PTPRK: variants seen among roughly 807,000 people sequenced by gnomAD.
PTPRK encodes receptor-type tyrosine-protein phosphatase kappa.
Under a neutral mutation model 178.0 loss-of-function variants are expected in PTPRK, and 75 were observed. That is an observed-to-expected ratio of 0.42 (90% confidence interval 0.35 to 0.51). The LOEUF is 0.51. Ranked by LOEUF, PTPRK falls within the 20% of genes least tolerant of loss-of-function variation. The pLI, the probability that PTPRK is intolerant of heterozygous loss-of-function variation, is 0.02. For synonymous variants in PTPRK, 637 were observed against 620.6 expected (o/e 1.03, Z -0.39); for missense variants, 1,441 against 1,797.8 (o/e 0.80, Z 3.59).
intron 13 of PTPRK, among the ~76,000 whole-genome samples, chr6:128,051,500 C>T (rs966901030): frequency 1.3e-5 from 2 of 152,190 alleles, no homozygotes; most frequent in Non-Finnish European, 2.9e-5. Context: ...TCTTCTCATC[C>T]TATTTTATTT....
chr6:128,026,020 A>G (rs986872802), intron 13 of PTPRK, among the ~76,000 whole-genome samples: 4 of 152,152 alleles, frequency 2.6e-5, no homozygotes, highest in Admixed American at 6.5e-5. Flanking sequence ...TAAAATCTAT[A>G]TGCTTTCCAA....
chr6:128,087,311 A>G (rs1455698486), intron 8 of PTPRK, among the ~76,000 whole-genome samples: 1 of 152,142 alleles, frequency 6.6e-6, no homozygotes, highest in Non-Finnish European at 1.5e-5. Context: ...ACCATTACCA[A>G]TTAGGACATG....
At chr6:128,432,745 A>AACAC (rs4053237) in intron 1 of PTPRK, among the ~76,000 whole-genome samples, 13,108 of 146,280 alleles carry the variant, frequency 0.09, 1,352 homozygotes, top group East Asian at 0.32. Flanking sequence ...TGTGTTCACA[A>AACAC]ACACACACAC....
At chr6:128,419,461 A>T (rs2128385725) in intron 1 of PTPRK, among the ~76,000 whole-genome samples, 1 of 152,142 alleles carries the variant, frequency 6.6e-6, no homozygotes, top group East Asian at 1.9e-4. Flanking sequence ...AAATACAAAA[A>T]AAAATTAGCC....
chr6:128,285,253 G>A (rs997016620), intron 3 of PTPRK, among the ~76,000 whole-genome samples: 5 of 152,220 alleles, frequency 3.3e-5, no homozygotes, highest in Admixed American at 6.5e-5. Flanking sequence ...GGTGGCTTGC[G>A]CCTGTAATTC....
intron 6 of PTPRK, among the ~76,000 whole-genome samples, chr6:128,204,008 T>C (rs1383157713): frequency 5.3e-5 from 8 of 152,210 alleles, no homozygotes; most frequent in Admixed American, 5.2e-4. Flanking sequence ...GGCATCATAC[T>C]ACCCAACTTC....
chr6:128,476,899 A>AC (rs2128421455), intron 1 of PTPRK, among the ~76,000 whole-genome samples: 1 of 151,930 alleles, frequency 6.6e-6, no homozygotes, highest in Non-Finnish European at 1.5e-5. Context: ...AAAAAAAAAA[A>AC]TCAATCTTGA....
chr6:128,375,616 C>G (rs901021666), intron 2 of PTPRK, among the ~76,000 whole-genome samples: 1 of 152,178 alleles, frequency 6.6e-6, no homozygotes, highest in African/African-American at 2.4e-5. Flanking sequence ...CTTCATATTC[C>G]AAGCCAACCA....
intron 15 of PTPRK, chr6:128,003,096 T>C (rs717851): frequency 0.58 from 692,384 of 1,188,774 alleles, 203,333 homozygotes; most frequent in Non-Finnish European, 0.6. Context: ...ATTTTCAAAA[T>C]CAAGCTGCCT....
At chr6:128,393,998 C>T (rs1281328894) in intron 2 of PTPRK, among the ~76,000 whole-genome samples, 2 of 152,088 alleles carry the variant, frequency 1.3e-5, no homozygotes, top group Admixed American at 6.6e-5. Flanking sequence ...CTTCATGCCA[C>T]CTGACAAGCA....
chr6:128,224,570 A>T (rs1207851981), intron 5 of PTPRK, among the ~76,000 whole-genome samples: 1 of 152,180 alleles, frequency 6.6e-6, no homozygotes, highest in African/African-American at 2.4e-5. Context: ...ATCACTTTAG[A>T]TATATTGTAT....
intron 20 of PTPRK, 118 bp from the exon 21 acceptor site, chr6:127,991,003 A>G (rs576254160): frequency 1.5e-6 from 1 of 680,340 alleles, no homozygotes; most frequent in East Asian, 2.6e-5. Context: ...AAATCTATAA[A>G]TGAGAAAAAA....
chr6:127,991,190 AT>A (rs1224826496), intron 20 of PTPRK, 103 bp downstream of exon 20: 19 of 873,360 alleles, frequency 2.2e-5, no homozygotes, highest in Admixed American at 6.2e-5. Flanking sequence ...TGTGCCTATA[AT>A]TTTTTTTAAA....
At chr6:128,460,461 G>A (rs140082755) in intron 1 of PTPRK, among the ~76,000 whole-genome samples, 3,381 of 152,134 alleles carry the variant, frequency 0.022, 121 homozygotes, top group African/African-American at 0.078. Context: ...AGGATCACTT[G>A]AGCCCAGGAG....
At chr6:128,447,312 G>A (rs1397811150) in intron 1 of PTPRK, among the ~76,000 whole-genome samples, 1 of 152,176 alleles carries the variant, frequency 6.6e-6, no homozygotes, top group East Asian at 1.9e-4. Flanking sequence ...AGTACTTTAA[G>A]AGAAAATAAT....
intron 2 of PTPRK, among the ~76,000 whole-genome samples, chr6:128,350,112 G>C (rs934878215): frequency 6.6e-6 from 1 of 152,064 alleles, no homozygotes; most frequent in Non-Finnish European, 1.5e-5. Flanking sequence ...TCACTTGATG[G>C]GGATGGCAGA....
intron 1 of PTPRK, among the ~76,000 whole-genome samples, chr6:128,434,574 G>C (rs1015140854): frequency 6.6e-6 from 1 of 152,122 alleles, no homozygotes; most frequent in Non-Finnish European, 1.5e-5. Context: ...TACTGCTGAA[G>C]TGTTAAATGA....
At chr6:128,251,675 T>C (rs892521179) in intron 3 of PTPRK, among the ~76,000 whole-genome samples, 1 of 152,156 alleles carries the variant, frequency 6.6e-6, no homozygotes, top group Non-Finnish European at 1.5e-5. Flanking sequence ...CTTTCATATA[T>C]CTACGCACAC....
At chr6:128,355,133 C>T (rs922053386) in intron 2 of PTPRK, among the ~76,000 whole-genome samples, 11 of 152,172 alleles carry the variant, frequency 7.2e-5, no homozygotes, top group Non-Finnish European at 1.2e-4. Flanking sequence ...TGTTTTACAA[C>T]ACCTAAACAT....
Sources: gnomAD v4.1 joint callset for allele counts (sites outside exome capture counted in the v4.1 genomes callset) on GRCh38, gnomAD v4.1.1 for gene constraint, MANE v1.5 for transcripts, NCBI Gene and HGNC (gene_info 2026-07-23, HGNC 2026-07-21) for gene names.